Variants in CDKAL1 observed in about 807,000 individuals in gnomAD.
CDKAL1 encodes the protein threonylcarbamoyladenosine tRNA methylthiotransferase.
Under a neutral mutation model 68.2 loss-of-function variants are expected in CDKAL1, and 32 were observed. That is an observed-to-expected ratio of 0.47 (90% CI 0.35 to 0.63). The LOEUF is 0.63. CDKAL1 is among the 30% of genes least tolerant of loss of function. CDKAL1 has a pLI of 0.00. For missense variants in CDKAL1, 606 were observed against 696.7 expected, an observed-to-expected ratio of 0.87 and a Z score of 1.47; for synonymous variants, 234 against 244.3, an observed-to-expected ratio of 0.96 and a Z score of 0.39.
At chr6:20,652,671 C>A (rs551810157) in intron 5 of CDKAL1, among the ~76,000 whole-genome samples, 246 of 152,224 alleles carry the variant, frequency 1.6e-3, no homozygotes, top group Non-Finnish European at 2.9e-3. Context: ...TTTAAAAATT[C>A]TTCTCTTCTT....
intron 2 of CDKAL1, among the ~76,000 whole-genome samples, chr6:20,543,919 G>A (rs544562039): frequency 1.3e-5 from 2 of 151,790 alleles, no homozygotes; most frequent in South Asian, 4.2e-4. Flanking sequence ...TGTATTTTTA[G>A]TAGAGACGCG....
intron 8 of CDKAL1, among the ~76,000 whole-genome samples, chr6:20,792,785 C>G (rs916703005): frequency 3.0e-4 from 45 of 152,288 alleles, no homozygotes; most frequent in African/African-American, 1.1e-3. Context: ...TGAAAATGTA[C>G]TAAGTGCAAT....
intron 6 of CDKAL1, among the ~76,000 whole-genome samples, chr6:20,743,620 C>A (rs1337094811): frequency 6.6e-6 from 1 of 152,090 alleles, no homozygotes; most frequent in African/African-American, 2.4e-5. Context: ...ATTTTTTGAC[C>A]TCTGGGCCTT....
At chr6:21,180,691 T>G (rs79272231) in intron 13 of CDKAL1, among the ~76,000 whole-genome samples, 18 of 152,360 alleles carry the variant, frequency 1.2e-4, no homozygotes, top group Non-Finnish European at 2.2e-4. Context: ...CCATTAATTT[T>G]TATTCATCTT....
intron 4 of CDKAL1, among the ~76,000 whole-genome samples, chr6:20,640,240 T>A (rs935294934): frequency 6.6e-6 from 1 of 152,252 alleles, no homozygotes; most frequent in African/African-American, 2.4e-5. Context: ...TTGTTCTTAC[T>A]GAATTTTTAT....
intron 12 of CDKAL1, among the ~76,000 whole-genome samples, chr6:21,086,732 A>G (rs1411246516): frequency 6.6e-6 from 1 of 152,144 alleles, no homozygotes; most frequent in Non-Finnish European, 1.5e-5. Context: ...GACCAGCTTT[A>G]AGTATGATTT....
intron 9 of CDKAL1, among the ~76,000 whole-genome samples, chr6:20,945,071 T>TACACACAC (rs141227225): frequency 0.04 from 6,045 of 150,322 alleles, 175 homozygotes; most frequent in African/African-American, 0.07. Flanking sequence ...CACACACACG[T>TACACACAC]ACACACACAC....
chr6:20,910,631 A>G (rs554058725), intron 9 of CDKAL1, among the ~76,000 whole-genome samples: 35 of 152,088 alleles, frequency 2.3e-4, no homozygotes, highest in Non-Finnish European at 4.6e-4. Context: ...GGCTTTTTTG[A>G]TGGAGCATGG....
intron 5 of CDKAL1, among the ~76,000 whole-genome samples, chr6:20,705,649 A>T (rs562060320): frequency 6.6e-6 from 1 of 152,344 alleles, no homozygotes; most frequent in Non-Finnish European, 1.5e-5. Flanking sequence ...AATTCAGGAC[A>T]CATTTTTACT....
intron 9 of CDKAL1, among the ~76,000 whole-genome samples, chr6:20,939,243 TC>T (rs1763865027): frequency 6.6e-6 from 1 of 152,200 alleles, no homozygotes; most frequent in Admixed American, 6.5e-5. Flanking sequence ...TCCACTTTTT[TC>T]TGTCTGTTCC....
At chr6:20,793,157 G>A (rs1775967870) in intron 8 of CDKAL1, among the ~76,000 whole-genome samples, 1 of 152,086 alleles carries the variant, frequency 6.6e-6, no homozygotes, top group Non-Finnish European at 1.5e-5. Context: ...GTAGATTTCT[G>A]TGCTTACTCC....
intron 8 of CDKAL1, among the ~76,000 whole-genome samples, chr6:20,783,025 G>A (rs919743852): frequency 6.6e-6 from 1 of 152,046 alleles, no homozygotes; most frequent in South Asian, 2.1e-4. Flanking sequence ...CTGCCTCCGG[G>A]TTCAAGTGAT....
intron 4 of CDKAL1, among the ~76,000 whole-genome samples, chr6:20,572,089 G>T (rs1764726677): frequency 6.6e-6 from 1 of 152,122 alleles, no homozygotes; most frequent in South Asian, 2.1e-4. Context: ...TCTAATCTAT[G>T]CAGGTTGGTT....
At chr6:20,817,256 A>G (rs886437303) in intron 8 of CDKAL1, among the ~76,000 whole-genome samples, 1 of 152,160 alleles carries the variant, frequency 6.6e-6, no homozygotes, top group Non-Finnish European at 1.5e-5. Flanking sequence ...GGAAATATGT[A>G]TGAACATCTT....
At chr6:20,794,474 A>C (rs1018912774) in intron 8 of CDKAL1, among the ~76,000 whole-genome samples, 1 of 152,146 alleles carries the variant, frequency 6.6e-6, no homozygotes, top group African/African-American at 2.4e-5. Flanking sequence ...GAGATGGGAA[A>C]AAACCCTTTT....
At chr6:21,030,501 T>C (rs1373210627) in intron 11 of CDKAL1, among the ~76,000 whole-genome samples, 1 of 152,118 alleles carries the variant, frequency 6.6e-6, no homozygotes, top group East Asian at 1.9e-4. Flanking sequence ...TAAAAAAAAT[T>C]AAAAAGAGAG....
chr6:21,002,719 G>A (rs1382620505), intron 11 of CDKAL1, among the ~76,000 whole-genome samples: 1 of 151,996 alleles, frequency 6.6e-6, no homozygotes, highest in Non-Finnish European at 1.5e-5. Context: ...CCAGTGCGGT[G>A]GCTCACACCT....
intron 15 of CDKAL1, among the ~76,000 whole-genome samples, chr6:21,201,957 TAAA>T (rs551965098): frequency 6.9e-6 from 1 of 145,606 alleles, no homozygotes; most frequent in Non-Finnish European, 1.5e-5. Flanking sequence ...GTTAAGCGCT[TAAA>T]AAAAAAAAGC....
In CDKAL1 at chr6:20,805,113, G is replaced by A. The variant is rs542707399; in HGVS notation, c.638+23848G>A. Among the ~76,000 whole-genome samples, 9 of 152,266 alleles carry A rather than the reference G, an allele frequency of 5.9e-5. No homozygotes were observed. The South Asian group carries it at 1.9e-3, about 32-fold the overall frequency. On this transcript the variant is annotated intron_variant, in intron 8 of 15. Transcript: ENST00000274695. ...AGAAAGATCATGTATGTGTGTTACT[G>A]CATTTCACTGCTGGATGGACTGTGT...
Sources: gnomAD v4.1 joint callset for allele counts (sites outside exome capture counted in the v4.1 genomes callset) on GRCh38, gnomAD v4.1.1 for gene constraint, MANE v1.5 for transcripts, NCBI Gene and HGNC (gene_info 2026-07-23, HGNC 2026-07-21) for gene names.